SLC35F1: variants seen among roughly 807,000 people sequenced by gnomAD.
The protein encoded by SLC35F1 is chromosome 6 open reading frame 169.
In SLC35F1, 14 loss-of-function variants were observed where a neutral mutation model predicts 48.7. The observed-to-expected ratio is 0.29, with a 90% confidence interval of 0.19 to 0.45. The LOEUF (loss-of-function observed/expected upper bound fraction) is 0.45. SLC35F1 is among the 20% of genes least tolerant of loss of function. The pLI is 1.00. For missense variants in SLC35F1, 404 were observed against 500.0 expected (o/e 0.81, Z 1.83); for synonymous variants, 190 against 202.2 (o/e 0.94, Z 0.51).
chr6:117,981,212 A>G (rs1776773493), intron 1 of SLC35F1, among the ~76,000 whole-genome samples: 1 of 152,082 alleles, frequency 6.6e-6, no homozygotes, highest in Non-Finnish European at 1.5e-5. Flanking sequence ...GCAGTTGGAG[A>G]TGCTGGAAAT....
At position 118,171,726 on chromosome 6, in the gene SLC35F1, G is replaced by A. The variant is rs113267826; in HGVS notation, c.349+17106G>A. Among the ~76,000 whole-genome samples the A allele has an allele frequency of 5.3e-5, 8 of 152,114 alleles. No individual in the cohort carries two copies. The East Asian group carries it at 7.7e-4, about 15-fold the overall frequency. On this transcript the variant is annotated intron_variant, in intron 2 of 7. Transcript: ENST00000360388. ...TCATTTCCTTAATTACCAGTAAAAT[G>A]AGCTTCCTTTTATATGTTTATTGGC...
chr6:118,314,300 T>C lies in SLC35F1; in HGVS notation c.*48T>C. On this transcript the variant is annotated 3_prime_UTR_variant, in exon 8 of 8. Coordinates refer to ENST00000360388, the MANE Select transcript of SLC35F1 (RefSeq NM_001029858.4). ...GAGGCCAACTCATTGGCCATGTTTT[T>C]GCCCATCATCTCTGTATTGTACATA... The C allele has an allele frequency of 1.9e-6, 3 of 1,551,266 alleles. No homozygotes were observed. Among genetic ancestry groups the C allele is most frequent in the Middle Eastern group, 1.7e-4 (1 of 5,952 alleles).
At chr6:117,935,181 A>C (rs1314710644) in intron 1 of SLC35F1, among the ~76,000 whole-genome samples, 4 of 152,212 alleles carry the variant, frequency 2.6e-5, no homozygotes, top group African/African-American at 9.6e-5. Flanking sequence ...ACACCAAGAA[A>C]ACCTATCTAT....
chr6:117,979,005 G>C (rs1776740873), intron 1 of SLC35F1, among the ~76,000 whole-genome samples: 1 of 152,098 alleles, frequency 6.6e-6, no homozygotes, highest in African/African-American at 2.4e-5. Context: ...CTCTCAATCT[G>C]GTCCCTGTCA....
chr6:117,970,729 G>A (rs1362761344), intron 1 of SLC35F1, among the ~76,000 whole-genome samples: 2 of 152,174 alleles, frequency 1.3e-5, no homozygotes, highest in East Asian at 1.9e-4. Flanking sequence ...GCAGCAGAAT[G>A]TTCAGGGGAA....
intron 2 of SLC35F1, among the ~76,000 whole-genome samples, chr6:118,196,780 G>A (rs192686140): frequency 0.01 from 1,526 of 152,134 alleles, 16 homozygotes; most frequent in Middle Eastern, 0.014. Context: ...AATGTCAGGA[G>A]CTTTTCCCAT....
At chr6:118,134,645 A>G (rs1773766928) in intron 1 of SLC35F1, among the ~76,000 whole-genome samples, 2 of 152,118 alleles carry the variant, frequency 1.3e-5, no homozygotes, top group African/African-American at 4.8e-5. Flanking sequence ...TATGAAGCCT[A>G]CTCTGTGTTT....
chr6:118,277,175 A>T (rs1775927842), intron 5 of SLC35F1, among the ~76,000 whole-genome samples: 1 of 152,216 alleles, frequency 6.6e-6, no homozygotes, highest in African/African-American at 2.4e-5. Flanking sequence ...ACATTTTCTG[A>T]ACCTCACCAT....
At chr6:118,116,676 G>C (rs1035366554) in intron 1 of SLC35F1, among the ~76,000 whole-genome samples, 2 of 152,012 alleles carry the variant, frequency 1.3e-5, no homozygotes, top group Non-Finnish European at 2.9e-5. Context: ...TTGATATCTT[G>C]TGATGCTCAT....
In SLC35F1 at chr6:118,121,001, A is replaced by AT. The variant is rs1378881273; in HGVS notation, c.174-33437dup. On this transcript the variant is annotated intron_variant, in intron 1 of 7. Transcript: ENST00000360388. Reference sequence around the variant, plus strand: ...TAGCAGTCCTATCAGAAATATATATATTTTTTTATTTCAAGTAAACTCAAA... The same window carrying AT: ...TAGCAGTCCTATCAGAAATATATATATTTTTTTTATTTCAAGTAAACTCAAA... Among the ~76,000 whole-genome samples the AT allele has an allele frequency of 9.2e-5, 14 of 151,944 alleles. No individual in the cohort carries two copies. The South Asian group carries it at 2.1e-3, about 23-fold the overall frequency.
intron 1 of SLC35F1, among the ~76,000 whole-genome samples, chr6:118,151,815 C>T (rs1475425613): frequency 6.6e-6 from 1 of 152,150 alleles, no homozygotes; most frequent in African/African-American, 2.4e-5. Flanking sequence ...CTGCGCCTGG[C>T]CTTTAAAATC....
chr6:118,206,925 C>T (rs2114543267), intron 2 of SLC35F1, among the ~76,000 whole-genome samples: 1 of 152,072 alleles, frequency 6.6e-6, no homozygotes. Flanking sequence ...ATACTCTGAA[C>T]AACTGAATTG....
At chr6:118,222,711 T>C (rs924347172) in intron 2 of SLC35F1, among the ~76,000 whole-genome samples, 3 of 152,238 alleles carry the variant, frequency 2.0e-5, no homozygotes, top group Non-Finnish European at 4.4e-5. Flanking sequence ...ATTGTTGTTG[T>C]TGCTGTTATT....
intron 4 of SLC35F1, among the ~76,000 whole-genome samples, chr6:118,271,794 C>G (rs1775855386): frequency 6.6e-6 from 1 of 152,158 alleles, no homozygotes; most frequent in Non-Finnish European, 1.5e-5. Context: ...GAGAAATGCC[C>G]AACCCAAAGA....
intron 1 of SLC35F1, among the ~76,000 whole-genome samples, chr6:118,048,295 T>G (rs2114907593): frequency 6.6e-6 from 1 of 152,272 alleles, no homozygotes; most frequent in South Asian, 2.1e-4. Context: ...AGTATTTTAT[T>G]GAGGATTTTT....
At chr6:118,087,692 C>T (rs1773012027) in intron 1 of SLC35F1, among the ~76,000 whole-genome samples, 1 of 152,202 alleles carries the variant, frequency 6.6e-6, no homozygotes, top group Non-Finnish European at 1.5e-5. Context: ...CCAACAACTT[C>T]TATCAAAATC....
chr6:117,943,009 A>G (rs77260597), intron 1 of SLC35F1, among the ~76,000 whole-genome samples: 2 of 152,170 alleles, frequency 1.3e-5, no homozygotes, highest in Non-Finnish European at 2.9e-5. Flanking sequence ...GCCAATCTCA[A>G]TTCTTTCAGT....
intron 3 of SLC35F1, among the ~76,000 whole-genome samples, chr6:118,252,718 A>G (rs1482397330): frequency 6.6e-6 from 1 of 152,114 alleles, no homozygotes; most frequent in Non-Finnish European, 1.5e-5. Context: ...AGAGAAGAAA[A>G]TGAAACTGAG....
At chr6:117,934,247 C>T (rs1776137388) in intron 1 of SLC35F1, among the ~76,000 whole-genome samples, 1 of 152,114 alleles carries the variant, frequency 6.6e-6, no homozygotes, top group Admixed American at 6.5e-5. Flanking sequence ...TGGTGCAGTT[C>T]AGCGTGGCTG....
Sources: allele counts gnomAD v4.1 joint callset (sites outside exome capture counted in the v4.1 genomes callset), GRCh38; gene constraint gnomAD v4.1.1; transcripts MANE v1.5; gene names NCBI Gene and HGNC (gene_info 2026-07-23, HGNC 2026-07-21).